Variants in CTNNA3 observed in about 807,000 individuals in gnomAD.
CTNNA3 encodes the protein catenin alpha 3, also known as catenin alpha-3.
CTNNA3 carries 76 observed loss-of-function variants against 95.7 expected under a neutral mutation model. That is an observed-to-expected ratio of 0.79 (90% confidence interval 0.66 to 0.96). CTNNA3 has a LOEUF of 0.96. Among genes scored for constraint, CTNNA3 ranks in the 40% least tolerant of loss-of-function variants. CTNNA3 has a pLI of 0.00. For synonymous variants in CTNNA3, 431 were observed against 374.4 expected, an observed-to-expected ratio of 1.15 and a Z score of -1.74; for missense variants, 1,191 against 1,089.8, an observed-to-expected ratio of 1.09 and a Z score of -1.31.
intron 7 of CTNNA3, among the ~76,000 whole-genome samples, chr10:67,061,439 T>G (rs1855750943): frequency 6.6e-6 from 1 of 152,206 alleles, no homozygotes; most frequent in Non-Finnish European, 1.5e-5. Flanking sequence ...CCCCCTGTCC[T>G]GGGTTTTTAT....
chr10:67,253,533 G>A (rs180916060), intron 5 of CTNNA3, among the ~76,000 whole-genome samples: 153 of 152,196 alleles, frequency 1.0e-3, no homozygotes, highest in Admixed American at 4.1e-3. Context: ...GGAGATGAGC[G>A]AGATGATTTA....
intron 6 of CTNNA3, among the ~76,000 whole-genome samples, chr10:67,188,511 G>A (rs1862970240): frequency 6.6e-6 from 1 of 152,160 alleles, no homozygotes; most frequent in Admixed American, 6.5e-5. Flanking sequence ...TGACAAAGAT[G>A]TAGAGAAAAG....
chr10:67,041,404 A>G (rs530486028), intron 7 of CTNNA3, among the ~76,000 whole-genome samples: 1 of 152,292 alleles, frequency 6.6e-6, no homozygotes, highest in South Asian at 2.1e-4. Flanking sequence ...CTAAACATTC[A>G]TTAGTATTAA....
chr10:66,796,475 T>C (rs1044886370), intron 7 of CTNNA3, among the ~76,000 whole-genome samples: 4 of 152,002 alleles, frequency 2.6e-5, no homozygotes, highest in African/African-American at 9.7e-5. Flanking sequence ...AAAAGATCGC[T>C]GATCACAGAC....
chr10:67,108,630 A>C (rs1037176136), intron 7 of CTNNA3, among the ~76,000 whole-genome samples: 4 of 152,178 alleles, frequency 2.6e-5, no homozygotes, highest in Admixed American at 1.3e-4. Flanking sequence ...GTTTGCTGAA[A>C]ATCAGAAAAG....
intron 15 of CTNNA3, among the ~76,000 whole-genome samples, chr10:66,028,157 A>G (rs1185891479): frequency 6.6e-6 from 1 of 152,178 alleles, no homozygotes; most frequent in East Asian, 1.9e-4. Context: ...TGGACTGTAA[A>G]CTAGTGCAAC....
intron 7 of CTNNA3, among the ~76,000 whole-genome samples, chr10:66,828,643 A>G (rs1842600275): frequency 6.6e-6 from 1 of 152,222 alleles, no homozygotes; most frequent in Admixed American, 6.5e-5. Flanking sequence ...GACAGCAAAT[A>G]AAGATACACT....
At chr10:66,926,686 T>C (rs1847093737) in intron 7 of CTNNA3, 1 of 1,380,482 alleles carries the variant, frequency 7.2e-7, no homozygotes, top group Non-Finnish European at 1.0e-6. Context: ...AGAGATTACC[T>C]TGCTCTGCTC....
At chr10:66,911,120 AT>A (rs1213525207) in intron 7 of CTNNA3, among the ~76,000 whole-genome samples, 2 of 152,178 alleles carry the variant, frequency 1.3e-5, no homozygotes, top group Non-Finnish European at 2.9e-5. Flanking sequence ...AATATTAGTA[AT>A]TTCTTTCCTT....
rs1183326536 is a variant in CTNNA3 at position 66,755,917 on chromosome 10, A to C, written c.1281+10347T>G. 2.0e-5 allele frequency among the ~76,000 whole-genome samples: 3 copies of C among 152,160 alleles called. No individual in the cohort carries two copies. The East Asian group carries it at 5.8e-4, about 29-fold the overall frequency. On this transcript the variant is annotated intron_variant, in intron 9 of 17. Coordinates refer to ENST00000433211, the MANE Select transcript of CTNNA3 (RefSeq NM_013266.4). ...CCCATAAGACCCAGTAATTACAACC[A>C]TACACAATTGCCATTTACTTTTATT...
chr10:67,036,976 C>T (rs1854100810), intron 7 of CTNNA3, among the ~76,000 whole-genome samples: 1 of 152,086 alleles, frequency 6.6e-6, no homozygotes, highest in Non-Finnish European at 1.5e-5. Flanking sequence ...AAGGGAGTGA[C>T]TCATTCATCT....
intron 13 of CTNNA3, among the ~76,000 whole-genome samples, chr10:66,249,292 A>C (rs1229548664): frequency 5.9e-5 from 9 of 152,200 alleles, no homozygotes; most frequent in Non-Finnish European, 1.0e-4. Context: ...TCAAGTTAAA[A>C]AATCTTCTGC....
intron 5 of CTNNA3, among the ~76,000 whole-genome samples, chr10:67,293,570 G>A (rs1432778084): frequency 6.6e-6 from 1 of 151,948 alleles, no homozygotes; most frequent in African/African-American, 2.4e-5. Flanking sequence ...ACAACGTGCA[G>A]GTTAGCTACA....
At chr10:66,454,196 G>C (rs1183289709) in intron 11 of CTNNA3, among the ~76,000 whole-genome samples, 4 of 152,192 alleles carry the variant, frequency 2.6e-5, no homozygotes, top group Admixed American at 6.5e-5. Context: ...CTGACACCTT[G>C]ATTTAGTCCT....
At chr10:66,470,852 G>GT (rs1839102398) in intron 11 of CTNNA3, among the ~76,000 whole-genome samples, 1 of 151,666 alleles carries the variant, frequency 6.6e-6, no homozygotes, top group African/African-American at 2.4e-5. Flanking sequence ...ACTGCATGAG[G>GT]TAAAAAAATA....
chr10:66,622,153 T>C (rs1844773216), intron 9 of CTNNA3, among the ~76,000 whole-genome samples: 1 of 152,160 alleles, frequency 6.6e-6, no homozygotes, highest in Non-Finnish European at 1.5e-5. Flanking sequence ...GTGATTTATT[T>C]TAAATTTGTA....
At chr10:66,684,788 G>A (rs943257873) in intron 9 of CTNNA3, among the ~76,000 whole-genome samples, 3 of 152,010 alleles carry the variant, frequency 2.0e-5, no homozygotes, top group African/African-American at 7.2e-5. Context: ...GATTCTAGAG[G>A]CTACATATGC....
intron 5 of CTNNA3, among the ~76,000 whole-genome samples, chr10:67,395,427 C>T (rs1342236383): frequency 6.6e-6 from 1 of 152,150 alleles, no homozygotes; most frequent in East Asian, 1.9e-4. Context: ...AAGGAACACA[C>T]CTCCCACCAA....
At chr10:67,034,284 C>T (rs1294792185) in intron 7 of CTNNA3, among the ~76,000 whole-genome samples, 2 of 152,142 alleles carry the variant, frequency 1.3e-5, no homozygotes, top group Non-Finnish European at 1.5e-5. Context: ...CAATCATTTG[C>T]CAAGCAATCA....
Sources: gnomAD v4.1 joint callset for allele counts (sites outside exome capture counted in the v4.1 genomes callset) on GRCh38, gnomAD v4.1.1 for gene constraint, MANE v1.5 for transcripts, NCBI Gene and HGNC (gene_info 2026-07-23, HGNC 2026-07-21) for gene names.